PCMT1: variants seen among roughly 807,000 people sequenced by gnomAD.
PCMT1 encodes protein-L-isoaspartate (D-aspartate) O-methyltransferase, also known as protein-L-isoaspartate(D-aspartate) O-methyltransferase.
PCMT1 carries 9 observed loss-of-function variants against 29.2 expected under a neutral mutation model. The observed-to-expected ratio is 0.31, with a 90% CI of 0.19 to 0.54. PCMT1 has a LOEUF of 0.54. PCMT1 is among the 20% of genes least tolerant of loss of function. The pLI is 0.95. For synonymous variants in PCMT1, 98 were observed against 97.5 expected (o/e 1.00, Z -0.03); for missense variants, 184 against 282.2 (o/e 0.65, Z 2.49).
chr6:149,764,234 T>A (rs187805886), intron 1 of PCMT1, among the ~76,000 whole-genome samples: 17 of 152,308 alleles, frequency 1.1e-4, no homozygotes, highest in African/African-American at 4.1e-4. Flanking sequence ...AACATCTTAA[T>A]TTGAATAACC....
chr6:149,805,368 C>G (rs550256047), intron 7 of PCMT1, among the ~76,000 whole-genome samples: 3 of 151,780 alleles, frequency 2.0e-5, no homozygotes, highest in Admixed American at 1.3e-4. Flanking sequence ...CCAAGGCGGG[C>G]AGATCACAAG....
At chr6:149,778,464 A>G (rs1442729073) in intron 3 of PCMT1, among the ~76,000 whole-genome samples, 2 of 151,750 alleles carry the variant, frequency 1.3e-5, no homozygotes, top group Admixed American at 1.3e-4. Context: ...CCTGACCTCA[A>G]GCGATCCACC....
chr6:149,789,839 T>A, intron 3 of PCMT1, 115 bp from the exon 4 acceptor site: 1 of 543,028 alleles, frequency 1.8e-6, no homozygotes. Context: ...CAAGATAACT[T>A]GGTTATCTTG....
intron 1 of PCMT1, among the ~76,000 whole-genome samples, chr6:149,756,118 T>C (rs1245167674): frequency 6.6e-6 from 1 of 152,162 alleles, no homozygotes; most frequent in Non-Finnish European, 1.5e-5. Context: ...AGCAGCCACG[T>C]TTATTCTGTG....
chr6:149,758,192 TTTTCTTTC>T (rs1554251068), intron 1 of PCMT1, among the ~76,000 whole-genome samples: 1 of 101,712 alleles, frequency 9.8e-6, no homozygotes, highest in Non-Finnish European at 1.8e-5. Context: ...CCAATTTTTT[TTTTCTTTC>T]TTTCTTTCTT....
chr6:149,809,562 A>G (rs1434477495), intron 7 of PCMT1, among the ~76,000 whole-genome samples: 5 of 152,150 alleles, frequency 3.3e-5, no homozygotes, highest in Admixed American at 6.5e-5. Flanking sequence ...TTCTTGCACA[A>G]TTTACAAAAT....
chr6:149,766,891 C>T (rs1787107955), intron 1 of PCMT1, among the ~76,000 whole-genome samples: 1 of 152,108 alleles, frequency 6.6e-6, no homozygotes, highest in African/African-American at 2.4e-5. Flanking sequence ...CCTCACCTGG[C>T]TTCTTTCACT....
intron 3 of PCMT1, among the ~76,000 whole-genome samples, 161 bp from the exon 4 acceptor site, chr6:149,789,793 C>G (rs1788279802): frequency 6.6e-6 from 1 of 152,040 alleles, no homozygotes; most frequent in African/African-American, 2.4e-5. Context: ...GAATTCTAAT[C>G]AAACAGTTTA....
intron 7 of PCMT1, among the ~76,000 whole-genome samples, chr6:149,804,166 C>G (rs942191086): frequency 4.0e-5 from 6 of 149,978 alleles, no homozygotes; most frequent in African/African-American, 1.5e-4. Context: ...TTATTAACAA[C>G]TAACTAAAAC....
At chr6:149,803,609 C>T (rs181595648) in intron 7 of PCMT1, among the ~76,000 whole-genome samples, 77 of 152,106 alleles carry the variant, frequency 5.1e-4, no homozygotes, top group Admixed American at 1.2e-3. Flanking sequence ...AATGCCAAAA[C>T]AAGAACGGCT....
chr6:149,794,894 AT>A, intron 5 of PCMT1: 1 of 476,926 alleles, frequency 2.1e-6, no homozygotes. Context: ...CACTTCTTGT[AT>A]TAGAAACGTT....
chr6:149,787,960 G>A (rs1670669524), intron 3 of PCMT1, among the ~76,000 whole-genome samples: 1 of 151,602 alleles, frequency 6.6e-6, no homozygotes, highest in South Asian at 2.1e-4. Flanking sequence ...CCCAGGCTGG[G>A]GTGCAGTGGT....
At chr6:149,802,968 G>A (rs1775886870) in intron 7 of PCMT1, among the ~76,000 whole-genome samples, 2 of 145,834 alleles carry the variant, frequency 1.4e-5, no homozygotes, top group Non-Finnish European at 3.0e-5. Flanking sequence ...CAGGAGAATT[G>A]CTTAAACCCT....
At chr6:149,754,542 T>G (rs1173272471) in intron 1 of PCMT1, among the ~76,000 whole-genome samples, 1 of 152,218 alleles carries the variant, frequency 6.6e-6, no homozygotes. Flanking sequence ...GATGTTAACT[T>G]AATGGATAGG....
At chr6:149,762,545 T>TG (rs1786793174) in intron 1 of PCMT1, among the ~76,000 whole-genome samples, 1 of 8,222 alleles carries the variant, frequency 1.2e-4, no homozygotes, top group Non-Finnish European at 1.7e-4. Context: ...TATATATATC[T>TG]ATGATATATA....
chr6:149,791,516 T>C (rs1012691350), intron 4 of PCMT1, among the ~76,000 whole-genome samples: 4 of 152,310 alleles, frequency 2.6e-5, no homozygotes, highest in Admixed American at 1.3e-4. Flanking sequence ...TCTAGTTAAA[T>C]TGGGAGTTGT....
intron 6 of PCMT1, chr6:149,798,106 C>G (rs1788687416): frequency 1.3e-5 from 2 of 150,044 alleles, no homozygotes; most frequent in African/African-American, 4.9e-5. Flanking sequence ...CAGGTTGAGG[C>G]TGCAGTGAGC....
intron 3 of PCMT1, among the ~76,000 whole-genome samples, chr6:149,775,287 T>G (rs1307673224): frequency 6.6e-6 from 1 of 152,142 alleles, no homozygotes; most frequent in Non-Finnish European, 1.5e-5. Context: ...TTATAAAAAT[T>G]GAATAGTAAT....
intron 1 of PCMT1, among the ~76,000 whole-genome samples, chr6:149,762,640 CTATGATATATA>C (rs1387143039): frequency 0.012 from 50 of 4,246 alleles, 6 homozygotes; most frequent in Middle Eastern, 0.25. Flanking sequence ...ATATATATAT[CTATGATATATA>C]TATGATATAT....
Sources: gnomAD v4.1 joint callset for allele counts (sites outside exome capture counted in the v4.1 genomes callset) on GRCh38, gnomAD v4.1.1 for gene constraint, MANE v1.5 for transcripts, NCBI Gene and HGNC (gene_info 2026-07-23, HGNC 2026-07-21) for gene names.